KCNG4: variants seen among roughly 807,000 people sequenced by gnomAD.
KCNG4 encodes voltage-gated potassium channel regulatory subunit KCNG4.
KCNG4 carries 30 observed loss-of-function variants against 28.2 expected under a neutral mutation model. The ratio of observed to expected loss-of-function variants is 1.06; its 90% CI spans 0.80 to 1.44. The LOEUF (loss-of-function observed/expected upper bound fraction) is 1.44, where lower values mean the gene tolerates loss of function less well. Ranked by LOEUF, KCNG4 falls within the 40% of genes most tolerant of loss-of-function variation. The probability of loss-of-function intolerance (pLI) is 0.00; values close to 1 mark genes in which losing one functional copy is unlikely to be tolerated. For missense variants in KCNG4, 879 were observed against 712.3 expected (o/e 1.23, Z -2.66); for synonymous variants, 375 against 315.5 (o/e 1.19, Z -2.00).
intron 2 of KCNG4, among the ~76,000 whole-genome samples, chr16:84,223,926 G>A (rs922297619): frequency 6.6e-6 from 1 of 152,180 alleles, no homozygotes; most frequent in African/African-American, 2.4e-5. Context: ...CTTGGGATGT[G>A]TGATTGCTGC....
intron 2 of KCNG4, 113 bp downstream of exon 2, chr16:84,236,617 C>A (rs1217683048): frequency 2.7e-6 from 3 of 1,094,318 alleles, no homozygotes; most frequent in Non-Finnish European, 2.5e-6. Flanking sequence ...GGATAATATT[C>A]ATTTTTTTCT....
rs375006588 is a variant in KCNG4, at chr16:84,236,901, C to T, written c.585G>A (p.Ser195=). 286 of 1,613,426 alleles carry T rather than the reference C, an allele frequency of 1.8e-4. 1 individual carries two copies. The South Asian group carries it at 3.0e-3, about 17-fold the overall frequency. Residue 195 remains serine, a synonymous_variant, in exon 2 of 3, where the codon TCG becomes TCA. Coordinates refer to ENST00000308251, the MANE Select transcript of KCNG4 (RefSeq NM_172347.3). Reference sequence around the variant, plus strand: ...TGCACAGGCCCCAGCGCGAGGAGTGCGAGGCGGGGCGGCGGGTCTCCCTCT... The same window carrying T: ...TGCACAGGCCCCAGCGCGAGGAGTGTGAGGCGGGGCGGCGGGTCTCCCTCT... ...RQQRETRRPA[S]HSSRWGLCMN...
intron 2 of KCNG4, among the ~76,000 whole-genome samples, chr16:84,230,480 G>A (rs1282376934): frequency 6.6e-6 from 1 of 151,362 alleles, no homozygotes; most frequent in African/African-American, 2.4e-5. Context: ...GCTGAGGCAG[G>A]AGAATGGCGT....
chr16:84,237,881 G>A (rs1322219228), intron 1 of KCNG4, among the ~76,000 whole-genome samples: 1 of 152,130 alleles, frequency 6.6e-6, no homozygotes, highest in Non-Finnish European at 1.5e-5. Context: ...TAACCTCTCT[G>A]ATCTCAGCAT....
At position 84,237,462 on chromosome 16, in the gene KCNG4, C is replaced by T. The variant is rs2151341214; in HGVS notation, c.24G>A (p.Gly8=). 1 of 1,499,474 alleles carries T rather than the reference C, an allele frequency of 6.7e-7. No homozygotes were observed. 92.9% of individuals were successfully genotyped at this position (1,499,474 alleles called of 1,614,324 possible). A position where few individuals can be genotyped will look rare whatever the true frequency, so the allele number is the denominator to read the frequency against. Residue 8 remains glycine (G), a synonymous_variant, in exon 2 of 3, where the codon GGG becomes GGA. Coordinates refer to ENST00000308251, the MANE Select transcript of KCNG4 (RefSeq NM_172347.3). MPMPSRD[G]GLHPRHHHYG... ...AGTGGTGGTGTCTGGGATGCAGGCCCCCGTCTCTGGAAGGCATGGGCATTG... is the reference window on the plus strand; with the variant it reads ...AGTGGTGGTGTCTGGGATGCAGGCCTCCGTCTCTGGAAGGCATGGGCATTG...
rs759861997 is a variant in KCNG4 at position 84,237,408 on chromosome 16, G to A, written c.78C>T (p.Leu26=). 1 of 1,521,886 alleles carries A rather than the reference G, an allele frequency of 6.6e-7. No homozygotes were observed. Among genetic ancestry groups the A allele is most frequent in the Non-Finnish European group, 8.8e-7 (1 of 1,136,572 alleles). The allele number at this position is 1,521,886 out of a possible 1,614,324, so 94.3% of individuals were successfully genotyped here. The change falls in exon 2 of 3, where the codon CTC becomes CTT. Residue 26 remains leucine, a synonymous_variant. Transcript: ENST00000308251. ...HYGSHSPWSQ[L]LSSPMETPSI... is the part of the protein sequence containing the mutation. ...ACGGCGTCTCCATGGGGCTGGACAG[G>A]AGCTGACTCCAAGGGCTGTGGGAAC...
intron 2 of KCNG4, among the ~76,000 whole-genome samples, chr16:84,229,822 G>C (rs940731116): frequency 1.3e-5 from 2 of 152,234 alleles, no homozygotes; most frequent in African/African-American, 4.8e-5. Context: ...GGGACATAGG[G>C]AGAGACACAG....
Position 84,218,684 on chromosome 16 carries a change from T to C in KCNG4, c.*3533A>G, listed in dbSNP as rs540869234. ...CTGGGACATTACCAGGGAGAAAAAA[T>C]AGAGCGTTTAATTAAGCCCCACATG... On this transcript the variant is annotated 3_prime_UTR_variant, in exon 3 of 3. Coordinates refer to ENST00000308251, the MANE Select transcript of KCNG4 (RefSeq NM_172347.3). The C allele has an allele frequency of 3.3e-5, 5 of 152,146 alleles. No homozygotes were observed. In the South Asian group the frequency reaches 1.0e-3, roughly 32 times the overall value. 9.4% of individuals were successfully genotyped at this position (152,146 alleles called of 1,614,324 possible).
Position 84,218,689 on chromosome 16 carries a change from C to T in KCNG4, c.*3528G>A, listed in dbSNP as rs1012359603. 3.9e-5 allele frequency: 6 copies of T among 152,184 alleles called. No individual in the cohort carries two copies. The highest frequency in any genetic ancestry group is 2.1e-4 in the South Asian group (1 of 4,838). 9.4% of individuals were successfully genotyped at this position (152,184 alleles called of 1,614,324 possible). A position where few individuals can be genotyped will look rare whatever the true frequency, so the allele number is the denominator to read the frequency against. On this transcript the variant is annotated 3_prime_UTR_variant, in exon 3 of 3. Transcript: ENST00000308251. Reference sequence around the variant, plus strand: ...ACATTACCAGGGAGAAAAAATAGAGCGTTTAATTAAGCCCCACATGCGAGC... The same window carrying T: ...ACATTACCAGGGAGAAAAAATAGAGTGTTTAATTAAGCCCCACATGCGAGC...
Position 84,220,246 on chromosome 16 carries a change from T to G in KCNG4, c.*1971A>C, listed in dbSNP as rs1904526206. On this transcript the variant is annotated 3_prime_UTR_variant, in exon 3 of 3. Transcript: ENST00000308251. ...ATTTTATAGGGTGAAGGGGCTTTCC[T>G]TGTGTCATGGCCACTGAACCACTAT... The G allele has an allele frequency of 6.6e-6, 1 of 152,234 alleles. No individual in the cohort carries two copies. 9.4% of individuals were successfully genotyped at this position (152,234 alleles called of 1,614,324 possible).
At chr16:84,225,834 A>G (rs1397126804) in intron 2 of KCNG4, among the ~76,000 whole-genome samples, 3 of 152,224 alleles carry the variant, frequency 2.0e-5, no homozygotes, top group Non-Finnish European at 4.4e-5. Context: ...CTGCCGCGTC[A>G]CTGCACCTGC....
In KCNG4 at chr16:84,237,216, G is replaced by C; in HGVS notation, c.270C>G (p.Leu90=). The C allele has an allele frequency of 8.7e-6, 14 of 1,614,126 alleles. No individual in the cohort carries two copies. Among genetic ancestry groups the C allele is most frequent in the Non-Finnish European group, 1.2e-5 (14 of 1,180,032 alleles). Residue 90 remains leucine, a synonymous_variant, in exon 2 of 3, where the codon CTC becomes CTG. Coordinates refer to ENST00000308251, the MANE Select transcript of KCNG4 (RefSeq NM_172347.3). The part of the protein sequence containing the change: ...FPLSRLSKLR[L]CRSYEEIVQL... ...GCACGATCTCCTCGTAGCTCCGACA[G>C]AGCCTGAGTTTGCTCAGGCGGCTCA...
intron 2 of KCNG4, among the ~76,000 whole-genome samples, chr16:84,223,679 C>T (rs547143364): frequency 2.0e-5 from 3 of 152,240 alleles, no homozygotes; most frequent in Non-Finnish European, 2.9e-5. Context: ...TGAAGTGACT[C>T]GCCTGAGCTC....
intron 2 of KCNG4, among the ~76,000 whole-genome samples, chr16:84,225,759 C>T (rs545843225): frequency 5.4e-4 from 82 of 152,342 alleles, no homozygotes; most frequent in African/African-American, 1.7e-3. Flanking sequence ...CCATGCACAC[C>T]GGCTCCTGCC....
chr16:84,232,858 C>G (rs1377636410), intron 2 of KCNG4, among the ~76,000 whole-genome samples: 1 of 139,888 alleles, frequency 7.1e-6, no homozygotes, highest in Non-Finnish European at 1.5e-5. Flanking sequence ...GAGATTGTGC[C>G]ACTGTACTCC....
In KCNG4 at chr16:84,222,604, C is replaced by T. The variant is rs1597614823; in HGVS notation, c.1173G>A (p.Val391=). 6.2e-7 allele frequency: 1 copy of T among 1,613,316 alleles called. No individual in the cohort carries two copies. Among genetic ancestry groups the T allele is most frequent in the South Asian group, 1.1e-5 (1 of 91,078 alleles). The change falls in exon 3 of 3, where the codon GTG becomes GTA. Residue 391 remains valine (V), a synonymous_variant. Coordinates refer to ENST00000308251, the MANE Select transcript of KCNG4 (RefSeq NM_172347.3). ...AITLFSPLVY[V]AEKESGRVLE... is the part of the protein sequence containing the mutation. ...GCACCCGCCCGGACTCCTTCTCGGCCACGTAGACCAAAGGGGAGAAGAGGG... is the reference window on the plus strand; with the variant it reads ...GCACCCGCCCGGACTCCTTCTCGGCTACGTAGACCAAAGGGGAGAAGAGGG...
intron 2 of KCNG4, among the ~76,000 whole-genome samples, chr16:84,233,257 T>G (rs118028856): frequency 6.6e-6 from 1 of 152,296 alleles, no homozygotes; most frequent in East Asian, 1.9e-4. Context: ...GATCACTGGG[T>G]TAGTCATGGG....
chr16:84,233,195 C>T (rs951473915), intron 2 of KCNG4, among the ~76,000 whole-genome samples: 1 of 152,168 alleles, frequency 6.6e-6, no homozygotes, highest in African/African-American at 2.4e-5. Flanking sequence ...AGAGCACCCC[C>T]ATTTCATAGA....
At chr16:84,239,229 A>G (rs1384809921) in intron 1 of KCNG4, among the ~76,000 whole-genome samples, 1 of 152,216 alleles carries the variant, frequency 6.6e-6, no homozygotes, top group East Asian at 1.9e-4. Context: ...TCCCTACACA[A>G]CATTCTGTTG....
Sources: allele counts gnomAD v4.1 joint callset (sites outside exome capture counted in the v4.1 genomes callset), GRCh38; gene constraint gnomAD v4.1.1; transcripts MANE v1.5; gene names NCBI Gene and HGNC (gene_info 2026-07-23, HGNC 2026-07-21).